RAB11FIP2: variants seen among roughly 807,000 people sequenced by gnomAD.
The protein encoded by RAB11FIP2 is RAB11 family interacting protein 2, also known as rab11 family-interacting protein 2.
Under a neutral mutation model 40.9 loss-of-function variants are expected in RAB11FIP2, and 16 were observed. That is an observed-to-expected ratio of 0.39 (90% CI 0.26 to 0.59). RAB11FIP2 has a LOEUF of 0.59. Ranked by LOEUF, RAB11FIP2 falls within the 20% of genes least tolerant of loss-of-function variation. The probability of loss-of-function intolerance (pLI) is 0.53; values close to 1 mark genes in which losing one functional copy is unlikely to be tolerated. For missense variants in RAB11FIP2, 532 were observed against 606.2 expected (o/e 0.88, Z 1.28); for synonymous variants, 228 against 213.7 (o/e 1.07, Z -0.58).
In RAB11FIP2 at chr10:118,007,402, T is replaced by C. The variant is rs1191109481; in HGVS notation, c.*1596A>G. On this transcript the variant is annotated 3_prime_UTR_variant, in exon 5 of 5. Coordinates refer to ENST00000355624, the MANE Select transcript of RAB11FIP2 (RefSeq NM_014904.3). ...ATAACAAGGGGTTTTAGTTTACAAA[T>C]ACGAGCTTGGCCAAGTATTCTCTGA... 1 of 151,024 alleles carries C rather than the reference T, an allele frequency of 6.6e-6. No individual in the cohort carries two copies. Among genetic ancestry groups the C allele is most frequent in the East Asian group, 1.9e-4 (1 of 5,174 alleles). The allele number at this position is 151,024 out of a possible 1,614,324, so 9.4% of individuals were successfully genotyped here. A position where few individuals can be genotyped will look rare whatever the true frequency, so the allele number is the denominator to read the frequency against.
intron 3 of RAB11FIP2, chr10:118,033,872 C>G: frequency 1.5e-6 from 1 of 675,350 alleles, no homozygotes; most frequent in South Asian, 1.5e-5. Flanking sequence ...ATATATAAAT[C>G]TCAGTAACTT....
intron 3 of RAB11FIP2, chr10:118,018,051 C>A (rs1027544799): frequency 6.6e-6 from 1 of 152,228 alleles, no homozygotes; most frequent in Non-Finnish European, 1.5e-5. Flanking sequence ...CCTGAGTGAT[C>A]TGAGCCACTC....
At chr10:118,039,511 G>T (rs1021361263) in intron 2 of RAB11FIP2, 71 bp from the exon 3 acceptor site, 2 of 1,274,700 alleles carry the variant, frequency 1.6e-6, no homozygotes, top group Non-Finnish European at 2.2e-6. Context: ...CAGTCTGTGT[G>T]CATTCTGCTG....
In RAB11FIP2 at chr10:118,046,056, T is replaced by A; in HGVS notation, c.108A>T (p.Thr36=). The A allele has an allele frequency of 6.2e-7, 1 of 1,614,212 alleles. No individual in the cohort carries two copies. Among genetic ancestry groups the A allele is most frequent in the Non-Finnish European group, 8.5e-7 (1 of 1,180,042 alleles). ...CCTTGCCCAGCTGAATTATAGTGTATGTGTCATTGGTACCACTTTTGCCTT... is the reference window on the plus strand; with the variant it reads ...CCTTGCCCAGCTGAATTATAGTGTAAGTGTCATTGGTACCACTTTTGCCTT... ...KPKGKSGTND[T]YTIIQLGKEK... is the part of the protein sequence containing the mutation. Residue 36 remains threonine, a synonymous_variant, in exon 1 of 5, where the codon ACA becomes ACT. Coordinates refer to ENST00000355624, the MANE Select transcript of RAB11FIP2 (RefSeq NM_014904.3).
At chr10:118,020,072 T>C (rs1169390007) in intron 3 of RAB11FIP2, among the ~76,000 whole-genome samples, 1 of 152,192 alleles carries the variant, frequency 6.6e-6, no homozygotes, top group Non-Finnish European at 1.5e-5. Flanking sequence ...GTAACAATCC[T>C]ATGACCTGAG....
At chr10:118,043,942 T>G (rs138667882) in intron 1 of RAB11FIP2, among the ~76,000 whole-genome samples, 2 of 152,228 alleles carry the variant, frequency 1.3e-5, no homozygotes, top group Non-Finnish European at 2.9e-5. Context: ...ATGGTCCCCA[T>G]TTATCCACAA....
intron 3 of RAB11FIP2, among the ~76,000 whole-genome samples, chr10:118,027,108 C>T (rs1382145356): frequency 1.3e-5 from 2 of 152,144 alleles, no homozygotes; most frequent in Non-Finnish European, 2.9e-5. Context: ...CAAGGGCTAT[C>T]GTTTCTGGAT....
chr10:118,024,139 T>G (rs1846313716), intron 3 of RAB11FIP2, among the ~76,000 whole-genome samples: 1 of 148,588 alleles, frequency 6.7e-6, no homozygotes, highest in Non-Finnish European at 1.5e-5. Context: ...TCAAAGACAG[T>G]CAAACAACCC....
Position 118,007,333 on chromosome 10 carries a change from A to C in RAB11FIP2, c.*1665T>G, listed in dbSNP as rs893358084. 4 of 151,954 alleles carry C rather than the reference A, an allele frequency of 2.6e-5. No individual in the cohort carries two copies. The highest frequency in any genetic ancestry group is 4.4e-5 in the Non-Finnish European group (3 of 67,898). The allele number at this position is 151,954 out of a possible 1,614,324, so 9.4% of individuals were successfully genotyped here. A position where few individuals can be genotyped will look rare whatever the true frequency, so the allele number is the denominator to read the frequency against. On this transcript the variant is annotated 3_prime_UTR_variant, in exon 5 of 5. Coordinates refer to ENST00000355624, the MANE Select transcript of RAB11FIP2 (RefSeq NM_014904.3). ...TTATGAAAAAAATGTTCATAATTTCAAAATGTATGTTCTTACAGTAAAACT... is the reference window on the plus strand; with the variant it reads ...TTATGAAAAAAATGTTCATAATTTCCAAATGTATGTTCTTACAGTAAAACT...
chr10:118,035,484 G>A (rs370218023), intron 3 of RAB11FIP2, among the ~76,000 whole-genome samples: 1 of 152,126 alleles, frequency 6.6e-6, no homozygotes, highest in Non-Finnish European at 1.5e-5. Context: ...CACGCAAGCA[G>A]GGCTGGAAGT....
chr10:118,040,445 G>A lies in RAB11FIP2; in HGVS notation c.474C>T (p.Asp158=), dbSNP rs144850980. Residue 158 remains aspartate, a synonymous_variant, in exon 2 of 5, where the codon GAC becomes GAT. Transcript: ENST00000355624. ...TASMFDLSMK[D]KTRSPFAKLK... ...ACTTTGCAAAAGGAGATCTGGTTTTGTCCTTCATTGATAAGTCAAACATAC... is the reference window on the plus strand; with the variant it reads ...ACTTTGCAAAAGGAGATCTGGTTTTATCCTTCATTGATAAGTCAAACATAC... 16 of 1,613,342 alleles carry A rather than the reference G, an allele frequency of 9.9e-6. No homozygotes were observed. Among genetic ancestry groups the A allele is most frequent in the Admixed American group, 8.3e-5 (5 of 59,948 alleles).
intron 3 of RAB11FIP2, among the ~76,000 whole-genome samples, chr10:118,018,900 T>G (rs1416104526): frequency 6.6e-6 from 1 of 151,658 alleles, no homozygotes; most frequent in Admixed American, 6.6e-5. Context: ...TCAAAGTGGG[T>G]TTTTTTTGTT....
intron 2 of RAB11FIP2, 101 bp downstream of exon 2, chr10:118,040,022 T>C (rs1846534416): frequency 1.7e-6 from 2 of 1,210,404 alleles, no homozygotes; most frequent in Non-Finnish European, 2.3e-6. Context: ...TGGAAAATAC[T>C]ACAAAGCAAC....
chr10:118,044,642 A>T (rs893827261), intron 1 of RAB11FIP2, among the ~76,000 whole-genome samples: 2 of 152,062 alleles, frequency 1.3e-5, no homozygotes, highest in African/African-American at 4.8e-5. Flanking sequence ...ACATATATTA[A>T]ATCTTAGGTT....
chr10:118,025,620 C>T (rs1276080687), intron 3 of RAB11FIP2, among the ~76,000 whole-genome samples: 1 of 152,194 alleles, frequency 6.6e-6, no homozygotes, highest in African/African-American at 2.4e-5. Context: ...GAAAACTCTT[C>T]ATACATTCTA....
intron 3 of RAB11FIP2, among the ~76,000 whole-genome samples, chr10:118,021,225 T>C (rs1310154268): frequency 6.6e-6 from 1 of 152,266 alleles, no homozygotes. Context: ...TAAAATGGTG[T>C]AATTACTTCA....
rs751191737 is a variant in RAB11FIP2, at chr10:118,040,136, T to C, written c.783A>G (p.Thr261=). The C allele has an allele frequency of 6.9e-5, 111 of 1,612,952 alleles. No homozygotes were observed. Among genetic ancestry groups the C allele is most frequent in the Non-Finnish European group, 8.9e-5 (105 of 1,179,388 alleles). Residue 261 remains threonine (T), a synonymous_variant, in exon 2 of 5, where the codon ACA becomes ACG. Coordinates refer to ENST00000355624, the MANE Select transcript of RAB11FIP2 (RefSeq NM_014904.3). ...LLGHQLDSFG[T]VPESGSLKSP... ...TGTGACACTTACCACTTTCTGGAAC[T>C]GTTCCAAAGGAATCTAACTGGTGTC...
Position 118,046,020 on chromosome 10 carries a change from G to A in RAB11FIP2, c.144C>T (p.Ser48=). 6.2e-7 allele frequency: 1 copy of A among 1,614,204 alleles called. No individual in the cohort carries two copies. The highest frequency in any genetic ancestry group is 1.3e-5 in the African/African-American group (1 of 75,060). The change falls in exon 1 of 5, where the codon TCC becomes TCT. Residue 48 remains serine, a synonymous_variant. Transcript: ENST00000355624. Reference sequence around the variant, plus strand: ...CAAGGGTTTTCTCAGCTACAGAGGTGGAGTACTTTTCCTTGCCCAGCTGAA... The same window carrying A: ...CAAGGGTTTTCTCAGCTACAGAGGTAGAGTACTTTTCCTTGCCCAGCTGAA... ...TIIQLGKEKY[S]TSVAEKTLEP... is the part of the protein sequence containing the mutation.
At position 118,015,122 on chromosome 10, in the gene RAB11FIP2, C is replaced by A; in HGVS notation, c.1266-12G>T. On this transcript the variant is annotated splice_polypyrimidine_tract_variant and intron_variant, in intron 3 of 4. Transcript: ENST00000355624. ...GACTCATATGAAAACTAATAAAACA[C>A]AAACAAATGTTAAAAGTGTCATAAC... 4 of 1,598,304 alleles carry A rather than the reference C, an allele frequency of 2.5e-6. No homozygotes were observed. The highest frequency in any genetic ancestry group is 1.7e-6 in the Non-Finnish European group (2 of 1,170,720).
Sources: allele counts gnomAD v4.1 joint callset (sites outside exome capture counted in the v4.1 genomes callset), GRCh38; gene constraint gnomAD v4.1.1; transcripts MANE v1.5; gene names NCBI Gene and HGNC (gene_info 2026-07-23, HGNC 2026-07-21).